LTBP4: variants seen among roughly 807,000 people sequenced by gnomAD.
LTBP4 encodes the protein latent-transforming growth factor beta-binding protein 4.
A neutral mutation model predicts 180.2 loss-of-function variants in LTBP4; 93 were observed. The observed-to-expected ratio is 0.52, with a 90% confidence interval of 0.44 to 0.61. The LOEUF (loss-of-function observed/expected upper bound fraction) is 0.61. LTBP4 is among the 20% of genes least tolerant of loss of function. The probability of loss-of-function intolerance (pLI) is 0.00; values close to 1 mark genes in which losing one functional copy is unlikely to be tolerated. For synonymous variants in LTBP4, 947 were observed against 934.5 expected (o/e 1.01, Z -0.24); for missense variants, 2,116 against 2,256.5 (o/e 0.94, Z 1.26).
chr19:40,605,887 C>G lies in LTBP4; in HGVS notation c.793+56C>G. The G allele has an allele frequency of 3.3e-6, 5 of 1,500,056 alleles. No homozygotes were observed. The highest frequency in any genetic ancestry group is 1.4e-5 in the African/African-American group (1 of 72,282). 92.9% of individuals were successfully genotyped at this position (1,500,056 alleles called of 1,614,324 possible). A position where few individuals can be genotyped will look rare whatever the true frequency, so the allele number is the denominator to read the frequency against. On this transcript the variant is annotated intron_variant, in intron 4 of 29. Transcript: ENST00000396819. The surrounding 1 kb of genome is among the most constrained non-coding windows in gnomAD (Gnocchi z 5.5). ...GAGCTGGGGAGTGGTGACAACCTCA[C>G]CGTTCCTCCTACTCTGCCCTAGATA...
At chr19:40,627,983 G>A in intron 29 of LTBP4, 126 bp downstream of exon 29, 2 of 1,283,182 alleles carry the variant, frequency 1.6e-6, no homozygotes, top group Non-Finnish European at 2.1e-6. Flanking sequence ...ACGGGCCAGC[G>A]CAAAAGGGAG....
chr19:40,607,299 C>T, intron 6 of LTBP4, 66 bp from the exon 7 acceptor site: 21 of 1,442,534 alleles, frequency 1.5e-5, no homozygotes, highest in Non-Finnish European at 1.9e-5. Context: ...CCCCTCTCTC[C>T]CAAATCCCTC....
In LTBP4 at chr19:40,625,285, T is replaced by TAA. The variant is rs2081620719; in HGVS notation, c.3833-571_3833-570insAA. 4.3e-4 allele frequency among the ~76,000 whole-genome samples: 4 copies of TAA among 9,282 alleles called. 1 individual carries two copies. The highest frequency in any genetic ancestry group is 4.2e-3 in the African/African-American group (3 of 716). 6.1% of individuals were successfully genotyped at this position (9,282 alleles called of 152,430 possible). A position where few individuals can be genotyped will look rare whatever the true frequency, so the allele number is the denominator to read the frequency against. On this transcript the variant is annotated intron_variant, in intron 26 of 29. Coordinates refer to ENST00000396819, the MANE Select transcript of LTBP4 (RefSeq NM_001042545.2). ...ATATATATATATATATATATATATA[T>TAA]ATATATATATATATATATATATATA...
At chr19:40,618,510 C>T (rs994857793) in intron 21 of LTBP4, among the ~76,000 whole-genome samples, 3 of 152,058 alleles carry the variant, frequency 2.0e-5, no homozygotes, top group East Asian at 1.9e-4. Context: ...ATCCGCCCAC[C>T]GTGGCCTCCT....
intron 26 of LTBP4, among the ~76,000 whole-genome samples, chr19:40,625,286 A>ATATATATATATATT (rs2081621137): frequency 5.4e-4 from 3 of 5,522 alleles, no homozygotes; most frequent in African/African-American, 2.4e-3. Flanking sequence ...ATATATATAT[A>ATATATATATATATT]TATATATATA....
upstream of LTBP4, among the ~76,000 whole-genome samples, chr19:40,600,423 CCCCG>C (rs2081415819): frequency 6.6e-6 from 1 of 152,242 alleles, no homozygotes; most frequent in South Asian, 2.1e-4. The surrounding 1 kb of genome is among the most constrained non-coding windows in gnomAD (Gnocchi z 4.4). Flanking sequence ...CGTCCGGGCT[CCCCG>C]CGGCCGAAGA....
Position 40,609,754 on chromosome 19 carries a change from G to A in LTBP4, c.1567G>A (p.Glu523Lys). The change falls in exon 11 of 30, where the codon GAA becomes AAA. Residue 523 changes from glutamate (E) to lysine (K), a missense_variant. Around this residue, in one of 5 missense-constraint regions of LTBP4, gnomAD observed 877 missense variants for 873.6 expected, o/e 1.00. Transcript: ENST00000396819. The surrounding 1 kb of genome is among the most constrained non-coding windows in gnomAD (Gnocchi z 4.9). ...PQGTRCIDVD[E>K]CRRVPPPCAP... Reference sequence around the variant, plus strand: ...CCCCTCCGTGTCCTCAGATGTGGACGAATGTCGCCGCGTGCCCCCGCCCTG... The same window carrying A: ...CCCCTCCGTGTCCTCAGATGTGGACAAATGTCGCCGCGTGCCCCCGCCCTG... 3.1e-6 allele frequency: 5 copies of A among 1,612,116 alleles called. No individual in the cohort carries two copies. The highest frequency in any genetic ancestry group is 2.2e-5 in the East Asian group (1 of 44,834).
chr19:40,601,358 G>C, upstream of LTBP4: 1 of 1,133,844 alleles, frequency 8.8e-7, no homozygotes, highest in Non-Finnish European at 1.1e-6. Flanking sequence ...GGGCTGGGGC[G>C]GCGGCGCGGC....
Position 40,613,627 on chromosome 19 carries a change from T to C in LTBP4, c.2557+98T>C, listed in dbSNP as rs1272994538. The C allele has an allele frequency of 2.6e-6, 4 of 1,523,540 alleles. No individual in the cohort carries two copies. The highest frequency in any genetic ancestry group is 3.5e-6 in the Non-Finnish European group (4 of 1,134,946). The allele number at this position is 1,523,540 out of a possible 1,614,324, so 94.4% of individuals were successfully genotyped here. On this transcript the variant is annotated intron_variant, in intron 17 of 29. Transcript: ENST00000396819. The surrounding 1 kb of genome is among the most constrained non-coding windows in gnomAD (Gnocchi z 5.0). ...GGGCGAAAAGGGGAAAACGAGTTTT[T>C]AGCCGGGGTATTCCAGCAGGATCAG...
In LTBP4 at chr19:40,617,011, G is replaced by A. The variant is rs562454425; in HGVS notation, c.2935G>A (p.Gly979Arg). 37 of 1,613,098 alleles carry A rather than the reference G, an allele frequency of 2.3e-5. No individual in the cohort carries two copies. In the East Asian group the frequency reaches 4.0e-4, roughly 17 times the overall value. The part of the protein sequence containing the change: ...DPGYQPTPGG[G>R]CQDVDECRNR... ...TGGCTATCAGCCCACGCCAGGGGGCGGATGCCAGGGTGGGTGTCCATCAGG... is the reference window on the plus strand; with the variant it reads ...TGGCTATCAGCCCACGCCAGGGGGCAGATGCCAGGGTGGGTGTCCATCAGG... Residue 979 changes from glycine to arginine, a missense_variant, in exon 20 of 30, where the codon GGA (glycine) becomes AGA (arginine). By Grantham distance (125) the Gly-to-Arg change is moderately radical. Transcript: ENST00000396819.
intron 19 of LTBP4, 54 bp from the exon 20 acceptor site, chr19:40,616,835 G>C (rs2081552331): frequency 1.2e-6 from 2 of 1,603,022 alleles, no homozygotes. Flanking sequence ...AGTGGTGTTA[G>C]AACTTCTGAA....
In LTBP4 at chr19:40,625,295, TATATATATATATATA is replaced by T. The variant is rs2081622917; in HGVS notation, c.3833-561_3833-547del. ...ATATATATATATATATATATATATA[TATATATATATATATA>T]TATATATTTTTTTTTTTAAAGATGG... On this transcript the variant is annotated intron_variant, in intron 26 of 29. Coordinates refer to ENST00000396819, the MANE Select transcript of LTBP4 (RefSeq NM_001042545.2). Among the ~76,000 whole-genome samples the T allele has an allele frequency of 4.0e-4, 6 of 15,042 alleles. 1 individual carries two copies. Among genetic ancestry groups the T allele is most frequent in the African/African-American group, 3.3e-3 (4 of 1,226 alleles). The allele number at this position is 15,042 out of a possible 152,430, so 9.9% of individuals were successfully genotyped here. A position where few individuals can be genotyped will look rare whatever the true frequency, so the allele number is the denominator to read the frequency against.
intron 7 of LTBP4, among the ~76,000 whole-genome samples, 184 bp downstream of exon 7, chr19:40,607,713 G>T (rs1257104736): frequency 1.3e-5 from 2 of 152,180 alleles, no homozygotes; most frequent in African/African-American, 2.4e-5. Context: ...ACCTCCATCT[G>T]TAGCCACAGC....
At chr19:40,627,545 G>A (rs1404344088) in intron 28 of LTBP4, among the ~76,000 whole-genome samples, 160 bp from the exon 29 acceptor site, 1 of 152,208 alleles carries the variant, frequency 6.6e-6, no homozygotes, top group Admixed American at 6.5e-5. Context: ...GCTGGCGAGA[G>A]AATGAGGTAA....
At chr19:40,621,850 C>T (rs1460742530) in intron 22 of LTBP4, among the ~76,000 whole-genome samples, 3 of 152,078 alleles carry the variant, frequency 2.0e-5, no homozygotes, top group Non-Finnish European at 4.4e-5. Context: ...CGGGTTCAAG[C>T]GATTCTCCTG....
chr19:40,605,178 C>T lies in LTBP4; in HGVS notation c.394C>T (p.Arg132Cys). Reference protein sequence around the residue: ...PPAPAVPGLTRSVYTMPLANH... With the variant: ...PPAPAVPGLTCSVYTMPLANH... ...GGCCCCGGCTGTACCAGGCCTCACC[C>T]GCTCCGTGTACACTATGCCACTGGC... The change falls in exon 2 of 30, where the codon CGC becomes TGC. Residue 132 changes from arginine (R) to cysteine (C), a missense_variant. Physicochemically the swap from Arg to Cys is radical, Grantham distance 180. This residue lies in a region of LTBP4 where 469 missense variants were observed against 532.5 expected (regional missense o/e 0.88). Transcript: ENST00000396819. This position sits in a 1 kb window ranked among gnomAD's most constrained non-coding sequence, Gnocchi z 5.5. 1.2e-6 allele frequency: 2 copies of T among 1,608,936 alleles called. No individual in the cohort carries two copies. The highest frequency in any genetic ancestry group is 1.7e-6 in the Non-Finnish European group (2 of 1,178,012).
intron 15 of LTBP4, among the ~76,000 whole-genome samples, chr19:40,612,677 C>A (rs2081516026): frequency 1.3e-5 from 2 of 152,158 alleles, no homozygotes. Flanking sequence ...GAATTCTGGA[C>A]CCTGACTATA....
intron 1 of LTBP4, among the ~76,000 whole-genome samples, chr19:40,602,176 TG>T (rs2081428690): frequency 8.9e-6 from 1 of 112,576 alleles, no homozygotes; most frequent in African/African-American, 3.5e-5. Flanking sequence ...TGTGTGTGTG[TG>T]TGTGTGGCGG....
chr19:40,610,376 T>A, intron 11 of LTBP4, 156 bp from the exon 12 acceptor site: 1 of 826,462 alleles, frequency 1.2e-6, no homozygotes, highest in Non-Finnish European at 1.8e-6. Context: ...CAATTGCCTC[T>A]CTCACTGTGC....
Sources: allele counts gnomAD v4.1 joint callset (sites outside exome capture counted in the v4.1 genomes callset), GRCh38; gene constraint gnomAD v4.1.1; regional missense constraint gnomAD v4.1.1; non-coding constraint Gnocchi (gnomAD v3.1); transcripts MANE v1.5; gene names NCBI Gene and HGNC (gene_info 2026-07-23, HGNC 2026-07-21).